Variants in UBR3 observed in about 807,000 individuals in gnomAD.
UBR3 encodes ubiquitin protein ligase E3 component n-recognin 3.
In UBR3, 85 loss-of-function variants were observed where a neutral mutation model predicts 243.2. The observed-to-expected ratio is 0.35, with a 90% CI of 0.29 to 0.42. The LOEUF (loss-of-function observed/expected upper bound fraction) is 0.42. UBR3 is among the 10% of genes least tolerant of loss of function. The probability of loss-of-function intolerance (pLI) is 1.00; values close to 1 mark genes in which losing one functional copy is unlikely to be tolerated. For synonymous variants in UBR3, 748 were observed against 799.8 expected (o/e 0.94, Z 1.09); for missense variants, 1,686 against 2,300.8 (o/e 0.73, Z 5.47).
At chr2:169,901,523 A>G (rs376108550) in intron 8 of UBR3, among the ~76,000 whole-genome samples, 4 of 152,162 alleles carry the variant, frequency 2.6e-5, no homozygotes, top group East Asian at 3.8e-4. Flanking sequence ...AACTACCCAT[A>G]ACTAGCCACG....
intron 10 of UBR3, among the ~76,000 whole-genome samples, chr2:169,913,188 T>C (rs2105338224): frequency 6.6e-6 from 1 of 152,294 alleles, no homozygotes; most frequent in East Asian, 1.9e-4. Flanking sequence ...TTTATGTTTT[T>C]AAAATTACAG....
At chr2:169,883,625 A>T (rs919602876) in intron 5 of UBR3, among the ~76,000 whole-genome samples, 1 of 152,206 alleles carries the variant, frequency 6.6e-6, no homozygotes, top group Non-Finnish European at 1.5e-5. Flanking sequence ...GTGGGTAGTG[A>T]TAATAGCTAA....
chr2:170,008,695 TTTTTAA>T (rs1294758462), intron 28 of UBR3, 103 bp from the exon 29 acceptor site: 4 of 602,262 alleles, frequency 6.6e-6, no homozygotes, highest in African/African-American at 1.9e-5. Flanking sequence ...CTGTTTTGAC[TTTTTAA>T]TTTTAATTTC....
chr2:169,882,701 G>C (rs2083939512), intron 5 of UBR3, among the ~76,000 whole-genome samples: 1 of 150,810 alleles, frequency 6.6e-6, no homozygotes, highest in African/African-American at 2.4e-5. Context: ...TTGCACCACT[G>C]CACTTCAGCC....
At chr2:169,854,575 G>GT (rs1380650370) in intron 1 of UBR3, among the ~76,000 whole-genome samples, 1 of 151,926 alleles carries the variant, frequency 6.6e-6, no homozygotes. Flanking sequence ...TAAATCTTAA[G>GT]TTTTTTTAAT....
intron 1 of UBR3, among the ~76,000 whole-genome samples, chr2:169,857,511 A>G (rs111894627): frequency 0.044 from 6,619 of 151,136 alleles, 167 homozygotes; most frequent in Middle Eastern, 0.07. Context: ...CCGCCTCCCA[A>G]GTTCAAGCGT....
chr2:170,054,279 C>T (rs1257962242), intron 32 of UBR3, among the ~76,000 whole-genome samples: 1 of 151,012 alleles, frequency 6.6e-6, no homozygotes, highest in Non-Finnish European at 1.5e-5. Context: ...GTCACCACAC[C>T]CAGCTTTTTT....
At position 170,017,546 on chromosome 2, in the gene UBR3, GACACACAC is replaced by G. The variant is rs34813217; in HGVS notation, c.4453+2210_4453+2217del. Among the ~76,000 whole-genome samples, 1,254 of 125,820 alleles carry G rather than the reference GACACACAC, an allele frequency of 1.0e-2. 9 individuals are homozygous for G. The highest frequency in any genetic ancestry group is 0.028 in the Middle Eastern group (7 of 248). The allele number at this position is 125,820 out of a possible 152,430, so 82.5% of individuals were successfully genotyped here. ...GGACACACACACACACACACACACA[GACACACAC>G]ACACACACACACACACACACACACA... On this transcript the variant is annotated intron_variant, in intron 30 of 38. Coordinates refer to ENST00000272793, the MANE Select transcript of UBR3 (RefSeq NM_172070.4).
chr2:169,882,258 TTA>T (rs2083907243), intron 5 of UBR3, among the ~76,000 whole-genome samples: 2 of 136,192 alleles, frequency 1.5e-5, no homozygotes, highest in Admixed American at 7.9e-5. Flanking sequence ...GTATATATAT[TTA>T]TATATATTTG....
At chr2:170,045,829 C>T (rs951301036) in intron 32 of UBR3, among the ~76,000 whole-genome samples, 3 of 152,034 alleles carry the variant, frequency 2.0e-5, no homozygotes, top group African/African-American at 4.8e-5. Flanking sequence ...CTATAGTCTT[C>T]AGTATGTATC....
chr2:170,050,539 C>CAG (rs2091192906), intron 32 of UBR3, among the ~76,000 whole-genome samples: 2 of 152,146 alleles, frequency 1.3e-5, no homozygotes, highest in African/African-American at 4.8e-5. Flanking sequence ...TAAGGCATTT[C>CAG]AAGTAAGTAT....
chr2:169,935,663 T>C (rs1398884104), intron 19 of UBR3, among the ~76,000 whole-genome samples: 7 of 152,248 alleles, frequency 4.6e-5, no homozygotes, highest in Non-Finnish European at 1.0e-4. Context: ...TTTGAAAGTA[T>C]GATGTATGAG....
chr2:169,890,583 A>ATATATG (rs1553504594), intron 5 of UBR3, among the ~76,000 whole-genome samples: 7 of 94,120 alleles, frequency 7.4e-5, no homozygotes, highest in African/African-American at 2.2e-4. Context: ...ATATATATGT[A>ATATATG]TATATATATG....
At chr2:169,850,199 G>C (rs1272327713) in intron 1 of UBR3, among the ~76,000 whole-genome samples, 2 of 89,858 alleles carry the variant, frequency 2.2e-5, no homozygotes, top group Non-Finnish European at 4.2e-5. Flanking sequence ...TTTTTTTTGA[G>C]ACAGGGTCTC....
At chr2:170,075,202 TA>T (rs914101065) in intron 36 of UBR3, among the ~76,000 whole-genome samples, 10 of 151,956 alleles carry the variant, frequency 6.6e-5, no homozygotes, top group East Asian at 5.8e-4. Flanking sequence ...ACCCTTTTTT[TA>T]AAAAAAAAGG....
chr2:170,073,310 TGAC>T (rs2091738949), intron 35 of UBR3, 115 bp from the exon 36 acceptor site: 3 of 1,164,192 alleles, frequency 2.6e-6, no homozygotes, highest in African/African-American at 1.6e-5. Flanking sequence ...TTTTTTCAGT[TGAC>T]TCAGTTAAGA....
chr2:170,001,451 A>G (rs771784329), intron 27 of UBR3, 37 bp downstream of exon 27: 42 of 1,274,960 alleles, frequency 3.3e-5, no homozygotes, highest in Non-Finnish European at 4.6e-5. Flanking sequence ...AGGTGCATGT[A>G]TCTTTCCAGG....
intron 24 of UBR3, among the ~76,000 whole-genome samples, chr2:169,984,097 T>A (rs896065054): frequency 8.5e-5 from 13 of 152,200 alleles, no homozygotes; most frequent in African/African-American, 2.9e-4. Context: ...AATTTTTTCA[T>A]TGCCTCAATT....
intron 6 of UBR3, among the ~76,000 whole-genome samples, chr2:169,893,709 A>G (rs377725069): frequency 7.9e-5 from 12 of 152,180 alleles, no homozygotes; most frequent in East Asian, 1.9e-4. Flanking sequence ...CTACAGGCGC[A>G]TGCCACCCCA....
Sources: allele counts gnomAD v4.1 joint callset (sites outside exome capture counted in the v4.1 genomes callset), GRCh38; gene constraint gnomAD v4.1.1; transcripts MANE v1.5; gene names NCBI Gene and HGNC (gene_info 2026-07-23, HGNC 2026-07-21).